SLC2A9: variants seen among roughly 807,000 people sequenced by gnomAD.
SLC2A9 encodes the protein solute carrier family 2 member 9, also known as solute carrier family 2, facilitated glucose transporter member 9.
Under a neutral mutation model 50.6 loss-of-function variants are expected in SLC2A9, and 39 were observed. The ratio of observed to expected loss-of-function variants is 0.77; its 90% CI spans 0.60 to 1.01. The LOEUF (loss-of-function observed/expected upper bound fraction) is 1.01. SLC2A9 is among the 50% of genes least tolerant of loss of function. The pLI, the probability that SLC2A9 is intolerant of heterozygous loss-of-function variation, is 0.00. For missense variants in SLC2A9, 686 were observed against 677.6 expected (o/e 1.01, Z -0.14); for synonymous variants, 324 against 276.9 (o/e 1.17, Z -1.69).
chr4:9,832,871 G>C (rs1352922087), intron 11 of SLC2A9, among the ~76,000 whole-genome samples: 3 of 152,128 alleles, frequency 2.0e-5, no homozygotes, highest in Non-Finnish European at 4.4e-5. Flanking sequence ...TGGCATGTTG[G>C]TGCTGTTAAT....
At chr4:9,832,156 A>G (rs1368745371) in intron 11 of SLC2A9, among the ~76,000 whole-genome samples, 2 of 152,188 alleles carry the variant, frequency 1.3e-5, no homozygotes, top group African/African-American at 2.4e-5. Context: ...GCTGGTTTTC[A>G]GAAGGGAGGT....
intron 6 of SLC2A9, among the ~76,000 whole-genome samples, chr4:9,924,777 C>T (rs1297490964): frequency 6.6e-6 from 1 of 152,180 alleles, no homozygotes; most frequent in Non-Finnish European, 1.5e-5. Flanking sequence ...GTCACCTAAA[C>T]TGGATGCCTG....
chr4:9,777,983 T>C (rs1342842898), downstream of SLC2A9, among the ~76,000 whole-genome samples: 1 of 152,246 alleles, frequency 6.6e-6, no homozygotes, highest in Non-Finnish European at 1.5e-5. Flanking sequence ...TCATGTTCAG[T>C]AGACAAAAGG....
rs780517411 is a variant in SLC2A9 at position 9,782,179 on chromosome 4, C to T, written n.386-2114G>A. 12 of 1,602,062 alleles carry T rather than the reference C, an allele frequency of 7.5e-6. No individual in the cohort carries two copies. The African/African-American group carries it at 9.4e-5, about 12-fold the overall frequency. On this transcript the variant is annotated intron_variant and non_coding_transcript_variant, in intron 3 of 3. Transcript: ENST00000503803. Reference sequence around the variant, plus strand: ...TCACCGCCTGCCTGCTGACCCTACTCATCATCTGGACCCTGCTGGGCAACG... The same window carrying T: ...TCACCGCCTGCCTGCTGACCCTACTTATCATCTGGACCCTGCTGGGCAACG...
intron 11 of SLC2A9, among the ~76,000 whole-genome samples, chr4:9,826,829 CT>C (rs997033689): frequency 5.3e-5 from 8 of 152,138 alleles, no homozygotes; most frequent in Non-Finnish European, 4.4e-5. Context: ...GAAAATGGCA[CT>C]TTTTTGTTGT....
At chr4:9,991,933 T>G (rs955228660) in intron 3 of SLC2A9, among the ~76,000 whole-genome samples, 1 of 152,258 alleles carries the variant, frequency 6.6e-6, no homozygotes, top group African/African-American at 2.4e-5. Context: ...AACCAATGCA[T>G]GCTTGCCACA....
intron 3 of SLC2A9, among the ~76,000 whole-genome samples, chr4:9,789,603 T>C (rs1432390583): frequency 6.6e-6 from 1 of 151,758 alleles, no homozygotes; most frequent in Non-Finnish European, 1.5e-5. Context: ...GAGGGGAGAG[T>C]TAAGCGGAGA....
intron 11 of SLC2A9, among the ~76,000 whole-genome samples, chr4:9,828,194 T>C (rs753367453): frequency 6.6e-6 from 1 of 152,142 alleles, no homozygotes; most frequent in Non-Finnish European, 1.5e-5. Context: ...CCCACCCACA[T>C]CTGCTCCATC....
In SLC2A9 at chr4:9,773,664, A is replaced by G. The variant is rs1717140977; in HGVS notation, n.182-2295T>C. On this transcript the variant is annotated intron_variant and non_coding_transcript_variant, in intron 1 of 1. Coordinates refer to the SLC2A9 transcript ENST00000508585. ...CTGAGATCAGGGCTCTGGCTGGATG[A>G]AATGAGGCAGGAGTTTATTAGCTGC... 2.0e-5 allele frequency among the ~76,000 whole-genome samples: 3 copies of G among 152,242 alleles called. No homozygotes were observed. In the South Asian group the frequency reaches 6.2e-4, roughly 32 times the overall value.
intron 3 of SLC2A9, chr4:9,782,499 C>T: frequency 6.2e-7 from 1 of 1,614,002 alleles, no homozygotes; most frequent in Non-Finnish European, 8.5e-7. Context: ...CAGCGCATGG[C>T]CTTGGTCATG....
rs116183405 is a variant in SLC2A9 at position 9,946,123 on chromosome 4, G to A, written c.682-4078C>T. On this transcript the variant is annotated intron_variant, in intron 5 of 11. Coordinates refer to ENST00000264784, the MANE Select transcript of SLC2A9 (RefSeq NM_020041.3). ...AAAGCCCTAGAGCGTCCATCTAGGA[G>A]AACACAGGCAGAGTCTTTGCACCTG... Among the ~76,000 whole-genome samples the A allele has an allele frequency of 5.0e-3, 757 of 152,322 alleles. 7 individuals are homozygous for A. Among genetic ancestry groups the A allele is most frequent in the African/African-American group, 0.017 (717 of 41,572 alleles).
intron 5 of SLC2A9, among the ~76,000 whole-genome samples, chr4:9,962,386 C>G (rs1034584820): frequency 2.0e-5 from 3 of 152,126 alleles, no homozygotes; most frequent in African/African-American, 2.4e-5. Flanking sequence ...ACTATGCAGC[C>G]ATAAAAAAGA....
At chr4:9,820,294 C>T (rs980081540) in intron 3 of SLC2A9, among the ~76,000 whole-genome samples, 2 of 152,172 alleles carry the variant, frequency 1.3e-5, no homozygotes, top group Non-Finnish European at 2.9e-5. Flanking sequence ...TTTCTGGATG[C>T]TCCATTTTAT....
Position 9,787,823 on chromosome 4 carries a change from T to C in SLC2A9, n.386-7758A>G, listed in dbSNP as rs907616709. Reference sequence around the variant, plus strand: ...TTGGGCAGGAATATCACAGATGCCATGCTGAGCTCCTGTAGCTCATGGCAT... The same window carrying C: ...TTGGGCAGGAATATCACAGATGCCACGCTGAGCTCCTGTAGCTCATGGCAT... On this transcript the variant is annotated intron_variant and non_coding_transcript_variant, in intron 3 of 3. Coordinates refer to the SLC2A9 transcript ENST00000503803. Among the ~76,000 whole-genome samples the C allele has an allele frequency of 3.3e-5, 5 of 152,320 alleles. No homozygotes were observed. The East Asian group carries it at 5.8e-4, about 18-fold the overall frequency.
chr4:9,819,201 G>A (rs1724062311), intron 3 of SLC2A9, among the ~76,000 whole-genome samples: 1 of 150,424 alleles, frequency 6.6e-6, no homozygotes, highest in Non-Finnish European at 1.5e-5. Flanking sequence ...ATATGGCTAA[G>A]ATGTTTTCTC....
chr4:9,892,148 T>C (rs1737586799), intron 8 of SLC2A9, among the ~76,000 whole-genome samples: 1 of 152,174 alleles, frequency 6.6e-6, no homozygotes, highest in African/African-American at 2.4e-5. Context: ...GTTGTTCTGC[T>C]GGGCAGAGCC....
chr4:9,872,892 G>A (rs926794435), intron 10 of SLC2A9, among the ~76,000 whole-genome samples: 5 of 152,152 alleles, frequency 3.3e-5, no homozygotes, highest in African/African-American at 1.2e-4. Context: ...TCTATGATTT[G>A]ACTTTCAGCA....
chr4:9,947,341 C>T lies in SLC2A9; in HGVS notation c.682-5296G>A, dbSNP rs562621257. Among the ~76,000 whole-genome samples the T allele has an allele frequency of 2.6e-3, 390 of 152,244 alleles. 6 individuals carry two copies. The highest frequency in any genetic ancestry group is 9.2e-3 in the African/African-American group (381 of 41,524). On this transcript the variant is annotated intron_variant, in intron 5 of 11. Transcript: ENST00000264784. ...CTTTCTGTCTCTCTCCATTGCAGCT[C>T]AAGGGATCCAGGGTCAAGGCTGCTC...
At chr4:9,781,707 C>A in intron 3 of SLC2A9, 1 of 285,782 alleles carries the variant, frequency 3.5e-6, no homozygotes, top group South Asian at 1.6e-4. Flanking sequence ...TCGCTCCGAA[C>A]CAGACACAGC....
Sources: gnomAD v4.1 joint callset for allele counts (sites outside exome capture counted in the v4.1 genomes callset) on GRCh38, gnomAD v4.1.1 for gene constraint, MANE v1.5 for transcripts, NCBI Gene and HGNC (gene_info 2026-07-23, HGNC 2026-07-21) for gene names.